Variants in ATP7B observed in about 807,000 individuals in gnomAD.
The protein encoded by ATP7B is copper-transporting ATPase 2.
In ATP7B, 113 loss-of-function variants were observed where a neutral mutation model predicts 118.9. That is an observed-to-expected ratio of 0.95 (90% CI 0.82 to 1.11). The LOEUF (loss-of-function observed/expected upper bound fraction) is 1.11, where lower values mean the gene tolerates loss of function less well. ATP7B is among the 50% of genes most tolerant of loss of function. The pLI, the probability that ATP7B is intolerant of heterozygous loss-of-function variation, is 0.00. For synonymous variants in ATP7B, 777 were observed against 727.4 expected, an observed-to-expected ratio of 1.07 and a Z score of -1.10; for missense variants, 1,867 against 1,871.4, an observed-to-expected ratio of 1.00 and a Z score of 0.04.
intron 12 of ATP7B, among the ~76,000 whole-genome samples, chr13:51,947,220 G>A (rs770117484): frequency 6.6e-6 from 1 of 152,120 alleles, no homozygotes; most frequent in Non-Finnish European, 1.5e-5. Flanking sequence ...GGATTTATTC[G>A]TGCAAAAATC....
intron 5 of ATP7B, 45 bp from the exon 6 acceptor site, chr13:51,961,958 T>C: frequency 6.6e-7 from 1 of 1,524,162 alleles, no homozygotes; most frequent in Non-Finnish European, 9.1e-7. Context: ...AGGAAGGTAC[T>C]TGGTTAAAAT....
chr13:51,943,423 G>C (rs1044505857), intron 14 of ATP7B, among the ~76,000 whole-genome samples: 3 of 152,296 alleles, frequency 2.0e-5, no homozygotes, highest in Non-Finnish European at 4.4e-5. Context: ...GTTTCTGGAA[G>C]AGCCCCTGAT....
intron 1 of ATP7B, among the ~76,000 whole-genome samples, chr13:51,980,678 C>CA (rs916758665): frequency 2.6e-5 from 4 of 152,150 alleles, no homozygotes; most frequent in African/African-American, 9.7e-5. Flanking sequence ...GATCACAAAT[C>CA]AAAAAATACT....
Position 51,960,305 on chromosome 13 carries a change from A to G in ATP7B, c.1964T>C (p.Leu655Pro). 2 of 1,613,624 alleles carry G rather than the reference A, an allele frequency of 1.2e-6. No individual in the cohort carries two copies. Among genetic ancestry groups the G allele is most frequent in the Non-Finnish European group, 1.7e-6 (2 of 1,179,848 alleles). Reference protein sequence around the residue: ...MEIKQWKKSFLCSLVFGIPVM... With the variant: ...MEIKQWKKSFPCSLVFGIPVM... ...AGGGATGCCAAACACCAGGCTGCACAGGAAAGACTTCTTCCACCTGGAAAG... is the reference window on the plus strand; with the variant it reads ...AGGGATGCCAAACACCAGGCTGCACGGGAAAGACTTCTTCCACCTGGAAAG... Residue 655 changes from leucine (L) to proline (P), a missense_variant, in exon 7 of 21, where the codon CTG becomes CCG. Coordinates refer to ENST00000242839, the MANE Select transcript of ATP7B (RefSeq NM_000053.4).
intron 1 of ATP7B, among the ~76,000 whole-genome samples, chr13:51,985,465 G>C (rs1336158601): frequency 6.6e-6 from 1 of 152,116 alleles, no homozygotes; most frequent in South Asian, 2.1e-4. Context: ...CACAGTAATA[G>C]TGGGAGACTT....
Sources: allele counts gnomAD v4.1 joint callset (sites outside exome capture counted in the v4.1 genomes callset), GRCh38; gene constraint gnomAD v4.1.1; transcripts MANE v1.5; gene names NCBI Gene and HGNC (gene_info 2026-07-23, HGNC 2026-07-21).